ST7: variants seen among roughly 807,000 people sequenced by gnomAD.
ST7 encodes suppression of tumorigenicity 7, also known as suppressor of tumorigenicity 7 protein.
ST7 carries 28 observed loss-of-function variants against 78.7 expected under a neutral mutation model. That is an observed-to-expected ratio of 0.36 (90% CI 0.26 to 0.49). The LOEUF (loss-of-function observed/expected upper bound fraction) is 0.49, where lower values mean the gene tolerates loss of function less well. Among genes scored for constraint, ST7 ranks in the 20% least tolerant of loss-of-function variants. ST7 has a pLI of 0.99. For missense variants in ST7, 418 were observed against 696.0 expected (o/e 0.60, Z 4.49); for synonymous variants, 247 against 249.6 (o/e 0.99, Z 0.10).
intron 9 of ST7, among the ~76,000 whole-genome samples, chr7:117,153,223 C>T (rs1471407373): frequency 2.6e-5 from 4 of 152,116 alleles, no homozygotes. Context: ...AGATTGTAGT[C>T]TAAGTAGCTG....
intron 2 of ST7, chr7:117,118,079 A>C (rs1788284862): frequency 6.5e-6 from 1 of 152,764 alleles, no homozygotes; most frequent in African/African-American, 2.4e-5. Flanking sequence ...GGATGTTTTA[A>C]CATGTGATAA....
chr7:117,185,308 G>T (rs1201538529), intron 10 of ST7, among the ~76,000 whole-genome samples: 2 of 152,116 alleles, frequency 1.3e-5, no homozygotes, highest in Non-Finnish European at 2.9e-5. Flanking sequence ...TCGGTATCTG[G>T]CTCCACCAAT....
rs1793645426 is a variant in ST7 at position 116,975,350 on chromosome 7, A to G, written c.151+21659A>G. Among the ~76,000 whole-genome samples the G allele has an allele frequency of 2.0e-5, 3 of 152,336 alleles. No individual in the cohort carries two copies. In the South Asian group the frequency reaches 6.2e-4, roughly 32 times the overall value. The stretch of plus-strand genomic sequence containing the variant: ...TGAGGATTATGGGAGCTACAATTAA[A>G]GATGAGATTTGGATGGGGACACAGC... On this transcript the variant is annotated intron_variant, in intron 1 of 15. Transcript: ENST00000323984.
chr7:117,110,092 T>C (rs532675229), intron 2 of ST7, among the ~76,000 whole-genome samples: 1 of 152,310 alleles, frequency 6.6e-6, no homozygotes, highest in South Asian at 2.1e-4. Context: ...GCCCCAAACA[T>C]GGCAATCTTT....
At chr7:116,998,214 C>A (rs1020765388) in intron 1 of ST7, among the ~76,000 whole-genome samples, 1 of 152,322 alleles carries the variant, frequency 6.6e-6, no homozygotes, top group South Asian at 2.1e-4. Context: ...GGGGACCCGG[C>A]GCACCCTCTG....
intron 3 of ST7, among the ~76,000 whole-genome samples, chr7:117,128,820 A>G (rs6967851): frequency 0.023 from 3,455 of 151,932 alleles, 121 homozygotes; most frequent in African/African-American, 0.077. Context: ...GTGGCCTTCA[A>G]TGTCCTTTGG....
In ST7 at chr7:117,190,867, G is replaced by A. The variant is rs1809713272; in HGVS notation, c.1185G>A (p.Leu395=). The A allele has an allele frequency of 2.5e-6, 4 of 1,613,942 alleles. No homozygotes were observed. The highest frequency in any genetic ancestry group is 3.4e-6 in the Non-Finnish European group (4 of 1,180,008). The part of the protein sequence containing the change: ...FSPEAASRRG[L]STAEMNAVEA... ...CTGAGGCTGCATCTCGGCGGGGGCTGAGCACAGCAGAGATGAATGCAGTAG... is the reference window on the plus strand; with the variant it reads ...CTGAGGCTGCATCTCGGCGGGGGCTAAGCACAGCAGAGATGAATGCAGTAG... The change falls in exon 12 of 16, where the codon CTG becomes CTA. Residue 395 remains leucine, a synonymous_variant. Coordinates refer to ENST00000323984, the MANE Select transcript of ST7 (RefSeq NM_001369598.1). This position sits in a 1 kb window ranked among gnomAD's most constrained non-coding sequence, Gnocchi z 5.2.
At chr7:117,126,655 G>A (rs1340262515) in intron 3 of ST7, among the ~76,000 whole-genome samples, 2 of 151,828 alleles carry the variant, frequency 1.3e-5, no homozygotes, top group Non-Finnish European at 2.9e-5. Context: ...CAGAAGAGTA[G>A]AAGAGTATGA....
chr7:116,957,184 G>C (rs564215884), intron 1 of ST7: 1 of 154,620 alleles, frequency 6.5e-6, no homozygotes, highest in South Asian at 2.0e-4. Flanking sequence ...TCGTTGCATT[G>C]AGCCAGTGCC....
chr7:117,053,777 A>G (rs1797913262), intron 1 of ST7, among the ~76,000 whole-genome samples: 1 of 152,068 alleles, frequency 6.6e-6, no homozygotes, highest in South Asian at 2.1e-4. Flanking sequence ...ATAGAGAGTT[A>G]TGTATGGTGT....
rs1810923481 is a variant in ST7 at position 117,202,127 on chromosome 7, A to AT, written c.1255-7652dup. On this transcript the variant is annotated intron_variant, in intron 12 of 15. Coordinates refer to ENST00000323984, the MANE Select transcript of ST7 (RefSeq NM_001369598.1). ...AGGCGCCCGCCACTAAGCCCGGCTA[A>AT]TTTTTTTTGTATTTTTAGTAGAGAC... Among the ~76,000 whole-genome samples, 2 of 78,810 alleles carry AT rather than the reference A, an allele frequency of 2.5e-5. 1 individual carries two copies. 51.7% of individuals were successfully genotyped at this position (78,810 alleles called of 152,430 possible).
intron 1 of ST7, among the ~76,000 whole-genome samples, chr7:117,023,844 C>T (rs192248490): frequency 3.7e-4 from 56 of 151,906 alleles, no homozygotes; most frequent in Non-Finnish European, 6.9e-4. Flanking sequence ...CCCTGTTGCT[C>T]TGTGGCCCAG....
chr7:117,170,806 T>A, intron 9 of ST7, 56 bp from the exon 10 acceptor site: 1 of 762,366 alleles, frequency 1.3e-6, no homozygotes. Context: ...ATATGTACAA[T>A]AAAATTATAA....
chr7:117,023,755 A>G (rs1796046285), intron 1 of ST7, among the ~76,000 whole-genome samples: 1 of 150,846 alleles, frequency 6.6e-6, no homozygotes, highest in Admixed American at 6.7e-5. Context: ...ATTAAAATGT[A>G]TATTTGGAGT....
chr7:117,115,723 C>G (rs1802829805), intron 2 of ST7, among the ~76,000 whole-genome samples: 1 of 151,582 alleles, frequency 6.6e-6, no homozygotes, highest in Non-Finnish European at 1.5e-5. Context: ...TCTTTCCCAC[C>G]ATCAGTTTCT....
At chr7:116,963,979 G>C (rs1792969790) in intron 1 of ST7, among the ~76,000 whole-genome samples, 1 of 152,112 alleles carries the variant, frequency 6.6e-6, no homozygotes, top group Non-Finnish European at 1.5e-5. Flanking sequence ...TTTTGAGCAA[G>C]GTTGTAGAGC....
chr7:116,960,107 T>C (rs1163665767), intron 1 of ST7, among the ~76,000 whole-genome samples: 1 of 152,208 alleles, frequency 6.6e-6, no homozygotes, highest in African/African-American at 2.4e-5. Context: ...GCTATGGCTC[T>C]TTCTTACCCC....
chr7:117,085,606 C>A (rs1215503306), intron 1 of ST7, among the ~76,000 whole-genome samples: 1 of 152,180 alleles, frequency 6.6e-6, no homozygotes, highest in Non-Finnish European at 1.5e-5. Context: ...TGCATGCTAT[C>A]AAGTACTCTC....
At chr7:117,227,158 G>T (rs1315906958) in intron 15 of ST7, among the ~76,000 whole-genome samples, 4 of 152,180 alleles carry the variant, frequency 2.6e-5, no homozygotes, top group Non-Finnish European at 5.9e-5. Context: ...ACAGCTCAAG[G>T]TGAGGCTCCC....
Sources: gnomAD v4.1 joint callset for allele counts (sites outside exome capture counted in the v4.1 genomes callset) on GRCh38, gnomAD v4.1.1 for gene constraint, Gnocchi (gnomAD v3.1) non-coding constraint, MANE v1.5 for transcripts, NCBI Gene and HGNC (gene_info 2026-07-23, HGNC 2026-07-21) for gene names.